The following CHTF18 variants were observed in gnomAD, a reference collection of about 807,000 sequenced individuals.
CHTF18 encodes chromosome transmission fidelity protein 18 homolog.
Under a neutral mutation model 113.4 loss-of-function variants are expected in CHTF18, and 151 were observed. That is an observed-to-expected ratio of 1.33 (90% confidence interval 1.17 to 1.52). The LOEUF (loss-of-function observed/expected upper bound fraction) is 1.52, where lower values mean the gene tolerates loss of function less well. Ranked by LOEUF, CHTF18 falls within the 40% of genes most tolerant of loss-of-function variation. CHTF18 has a pLI of 0.00. For missense variants in CHTF18, 1,982 were observed against 1,381.6 expected, an observed-to-expected ratio of 1.43 and a Z score of -6.89; for synonymous variants, 916 against 598.8, an observed-to-expected ratio of 1.53 and a Z score of -7.74.
In CHTF18 at chr16:788,783, GCGGC is replaced by G; in HGVS notation, c.91+10_91+13del. 2 of 1,587,138 alleles carry G rather than the reference GCGGC, an allele frequency of 1.3e-6. No homozygotes were observed. The highest frequency in any genetic ancestry group is 4.6e-5 in the East Asian group (2 of 43,094). On this transcript the variant is annotated intron_variant, in intron 1 of 21. Coordinates refer to ENST00000262315, the MANE Select transcript of CHTF18 (RefSeq NM_022092.3). ...TGCTGGCAGAGCTGGAAGGTGGGGC[GCGGC>G]CCCCGGCCGTTGGGGAGGAGCTGCG... is the stretch of plus-strand genomic sequence containing the variant.
rs772401404 is a variant in CHTF18, at chr16:795,351, C to G, written c.2170C>G (p.Gln724Glu). The part of the protein sequence containing the change: ...TPRITFPSSQ[Q>E]EAQNRMSQMR... ...CAGGATCACCTTCCCCAGCAGCCAG[C>G]AGGAGGTGTGCTCGTCCCTGCACCA... Residue 724 changes from glutamine (Q) to glutamate (E), a missense_variant, in exon 16 of 22, where the codon CAG becomes GAG. Coordinates refer to ENST00000262315, the MANE Select transcript of CHTF18 (RefSeq NM_022092.3). 1.1e-5 allele frequency: 17 copies of G among 1,546,986 alleles called. No homozygotes were observed. The highest frequency in any genetic ancestry group is 1.5e-5 in the Non-Finnish European group (17 of 1,146,264).
chr16:789,548 G>T lies in CHTF18; in HGVS notation c.439G>T (p.Val147Phe). 1 of 1,598,712 alleles carries T rather than the reference G, an allele frequency of 6.3e-7. No homozygotes were observed. ...EDLAELWGHG[V>F]SEAAADVGLT... ...CACTGAGCCCCGGTCTCTCTCCAGA[G>T]TCTCAGAAGCTGCTGCCGACGTGGG... Residue 147 changes from valine (V) to phenylalanine (F), a missense_variant and splice_region_variant, in exon 4 of 22, where the codon GTC (valine) becomes TTC (phenylalanine). Val to Phe is a conservative substitution (Grantham distance 50). Coordinates refer to ENST00000262315, the MANE Select transcript of CHTF18 (RefSeq NM_022092.3).
chr16:791,116 A>G, intron 7 of CHTF18, 45 bp from the exon 8 acceptor site: 2 of 1,570,560 alleles, frequency 1.3e-6, no homozygotes, highest in Non-Finnish European at 1.7e-6. Flanking sequence ...CCGTGCCTGG[A>G]GGCGGTGCCC....
Position 793,176 on chromosome 16 carries a change from C to G in CHTF18, c.1704C>G (p.Ser568Arg). ...FLYSRGQREL[S>R]VRDVQATRVG... ...ACAGCCGGGGCCAGCGGGAGCTGAG[C>G]GTGCGGGACGTGCAGGCCACACGCG... Residue 568 changes from serine (S) to arginine (R), a missense_variant, in exon 14 of 22, where the codon AGC becomes AGG. Transcript: ENST00000262315. 6.2e-7 allele frequency: 1 copy of G among 1,606,672 alleles called. No individual in the cohort carries two copies. Among genetic ancestry groups the G allele is most frequent in the Non-Finnish European group, 8.5e-7 (1 of 1,177,792 alleles).
intron 19 of CHTF18, 22 bp from the exon 20 acceptor site, chr16:796,939 T>C: frequency 6.5e-7 from 1 of 1,528,120 alleles, no homozygotes; most frequent in Non-Finnish European, 8.8e-7. Context: ...TGGCCAGATC[T>C]CACAATGCCT....
intron 18 of CHTF18, among the ~76,000 whole-genome samples, chr16:796,442 C>T (rs529198148): frequency 1.6e-4 from 25 of 152,344 alleles, no homozygotes; most frequent in African/African-American, 5.8e-4. Context: ...GCTGCCCCAG[C>T]GACGGCACCA....
rs540330468 is a variant in CHTF18, at chr16:789,086, G to A, written c.247G>A (p.Val83Met). 75 of 1,534,462 alleles carry A rather than the reference G, an allele frequency of 4.9e-5. No individual in the cohort carries two copies. In the South Asian group the frequency reaches 8.7e-4, roughly 18 times the overall value. The change falls in exon 2 of 22, where the codon GTG becomes ATG. Residue 83 changes from valine to methionine, a missense_variant. Val to Met is a conservative substitution (Grantham distance 21, BLOSUM62 1). Transcript: ENST00000262315. Reference sequence around the variant, plus strand: ...CCAGGGCGGCGCCAGGAAGAGGCAGGTGGACGCCGACCTGCAGCCGGCCGG... The same window carrying A: ...CCAGGGCGGCGCCAGGAAGAGGCAGATGGACGCCGACCTGCAGCCGGCCGG... The part of the protein sequence containing the change: ...SSQGGARKRQ[V>M]DADLQPAGSL...
At position 791,304 on chromosome 16, in the gene CHTF18, C is replaced by A; in HGVS notation, c.1038C>A (p.Ser346Arg). ...KEATAPGKWK[S>R]HEQVLEEMLE... is the part of the protein sequence containing the mutation. ...CCACAGCCCCAGGCAAGTGGAAGAG[C>A]CACGAACAGGTGCTGGAGGAGATGC... The change falls in exon 8 of 22, where the codon AGC (serine) becomes AGA (arginine). Residue 346 changes from serine (S) to arginine (R), a missense_variant. By Grantham distance (110) the Ser-to-Arg change is moderately radical. Coordinates refer to ENST00000262315, the MANE Select transcript of CHTF18 (RefSeq NM_022092.3). The A allele has an allele frequency of 6.2e-7, 1 of 1,610,454 alleles. No homozygotes were observed. Among genetic ancestry groups the A allele is most frequent in the Middle Eastern group, 1.7e-4 (1 of 5,950 alleles).
At position 789,092 on chromosome 16, in the gene CHTF18, G is replaced by A; in HGVS notation, c.253G>A (p.Ala85Thr). ...CGGCGCCAGGAAGAGGCAGGTGGAC[G>A]CCGACCTGCAGCCGGCCGGGTCCCT... ...QGGARKRQVD[A>T]DLQPAGSLPH... The change falls in exon 2 of 22, where the codon GCC becomes ACC. Residue 85 changes from alanine (A) to threonine (T), a missense_variant. Coordinates refer to ENST00000262315, the MANE Select transcript of CHTF18 (RefSeq NM_022092.3). The A allele has an allele frequency of 6.5e-7, 1 of 1,532,708 alleles. No individual in the cohort carries two copies. Among genetic ancestry groups the A allele is most frequent in the Non-Finnish European group, 8.8e-7 (1 of 1,138,108 alleles). 94.9% of individuals were successfully genotyped at this position (1,532,708 alleles called of 1,614,324 possible). A position where few individuals can be genotyped will look rare whatever the true frequency, so the allele number is the denominator to read the frequency against.
rs768133482 is a variant in CHTF18 at position 795,277 on chromosome 16, C to T, written c.2096C>T (p.Pro699Leu). Residue 699 changes from proline (P) to leucine (L), a missense_variant, in exon 16 of 22, where the codon CCC becomes CTC. Transcript: ENST00000262315. ...SQSFQLLRYP[P>L]FLPVAFHVLF... is the part of the protein sequence containing the mutation. ...AGCTTCCAGCTGCTGCGCTACCCAC[C>T]CTTCCTGCCCGTGGCCTTCCATGTG... 6 of 1,549,072 alleles carry T rather than the reference C, an allele frequency of 3.9e-6. No homozygotes were observed. Among genetic ancestry groups the T allele is most frequent in the Middle Eastern group, 2.0e-4 (1 of 5,114 alleles).
chr16:794,979 C>G, intron 15 of CHTF18, 153 bp from the exon 16 acceptor site: 1 of 636,214 alleles, frequency 1.6e-6, no homozygotes, highest in Non-Finnish European at 2.7e-6. Flanking sequence ...CCTCAGACGC[C>G]CAGCGTCGTG....
chr16:792,659 C>T (rs1409269175), intron 11 of CHTF18, 59 bp from the exon 12 acceptor site: 5 of 1,589,030 alleles, frequency 3.1e-6, no homozygotes, highest in East Asian at 2.3e-5. Context: ...CCGGCCCGTC[C>T]CTGTGTCCTG....
intron 6 of CHTF18, 23 bp downstream of exon 6, chr16:790,422 C>T (rs745347953): frequency 9.9e-6 from 16 of 1,612,140 alleles, no homozygotes; most frequent in Admixed American, 1.7e-5. Flanking sequence ...GCCCTTCCGC[C>T]CTGGGGACCC....
chr16:788,725 A>T lies in CHTF18; in HGVS notation c.41A>T (p.Asp14Val). The T allele has an allele frequency of 6.2e-7, 1 of 1,603,076 alleles. No homozygotes were observed. Among genetic ancestry groups the T allele is most frequent in the East Asian group, 2.3e-5 (1 of 43,922 alleles). ...YEQELCGVED[D>V]FHNQFAAELE... ...CAGGAGCTGTGCGGCGTCGAGGATG[A>T]TTTCCACAACCAGTTCGCGGCCGAG... is the stretch of plus-strand genomic sequence containing the variant. Residue 14 changes from aspartate (D) to valine (V), a missense_variant, in exon 1 of 22, where the codon GAT (aspartate) becomes GTT (valine). By Grantham distance (152) the Asp-to-Val change is radical. Coordinates refer to ENST00000262315, the MANE Select transcript of CHTF18 (RefSeq NM_022092.3).
chr16:793,818 A>C (rs1400954947), intron 14 of CHTF18: 1 of 648,038 alleles, frequency 1.5e-6, no homozygotes, highest in East Asian at 2.7e-5. Context: ...CTAACCCCAG[A>C]GGGTCAGGGC....
chr16:793,178 T>G lies in CHTF18; in HGVS notation c.1706T>G (p.Val569Gly), dbSNP rs762720917. ...LYSRGQRELS[V>G]RDVQATRVGL... Reference sequence around the variant, plus strand: ...AGCCGGGGCCAGCGGGAGCTGAGCGTGCGGGACGTGCAGGCCACACGCGTG... The same window carrying G: ...AGCCGGGGCCAGCGGGAGCTGAGCGGGCGGGACGTGCAGGCCACACGCGTG... The change falls in exon 14 of 22, where the codon GTG becomes GGG. Residue 569 changes from valine (V) to glycine (G), a missense_variant. Val to Gly is a moderately radical substitution (Grantham distance 109). Transcript: ENST00000262315. 4 of 1,606,824 alleles carry G rather than the reference T, an allele frequency of 2.5e-6. No homozygotes were observed. The Admixed American group carries it at 6.7e-5, about 27-fold the overall frequency.
rs950478170 is a variant in CHTF18, at chr16:797,761, G to T, written c.2791+10G>T. 6.2e-7 allele frequency: 1 copy of T among 1,610,116 alleles called. No homozygotes were observed. Among genetic ancestry groups the T allele is most frequent in the Non-Finnish European group, 8.5e-7 (1 of 1,179,450 alleles). On this transcript the variant is annotated intron_variant, in intron 21 of 21. Transcript: ENST00000262315. ...GCAGTCCCGAGTGCAGGTGTGTGTG[G>T]GGGTGTTGTGGGGTTGTGGGGGGCC...
At chr16:797,169 G>A (rs1307587509) in intron 20 of CHTF18, 77 bp downstream of exon 20, 2 of 1,432,676 alleles carry the variant, frequency 1.4e-6, no homozygotes, top group Non-Finnish European at 1.8e-6. Context: ...CATGAGGCGG[G>A]GCCAAGGCAC....
rs1378757483 is a variant in CHTF18, at chr16:791,324, A to C, written c.1058A>C (p.Glu353Ala). 1 of 1,609,790 alleles carries C rather than the reference A, an allele frequency of 6.2e-7. No individual in the cohort carries two copies. Among genetic ancestry groups the C allele is most frequent in the Non-Finnish European group, 8.5e-7 (1 of 1,179,466 alleles). The change falls in exon 8 of 22, where the codon GAG (glutamate) becomes GCG (alanine). Residue 353 changes from glutamate to alanine, a missense_variant. Coordinates refer to ENST00000262315, the MANE Select transcript of CHTF18 (RefSeq NM_022092.3). ...KWKSHEQVLE[E>A]MLEAGLDPSQ... The stretch of plus-strand genomic sequence containing the variant: ...AAGAGCCACGAACAGGTGCTGGAGG[A>C]GATGCTGGAGGCTGGGCTGGACCCG...
Sources: allele counts gnomAD v4.1 joint callset (sites outside exome capture counted in the v4.1 genomes callset), GRCh38; gene constraint gnomAD v4.1.1; transcripts MANE v1.5; gene names NCBI Gene and HGNC (gene_info 2026-07-23, HGNC 2026-07-21).